PHF3: variants seen among roughly 807,000 people sequenced by gnomAD.
The protein encoded by PHF3 is PHD finger protein 3.
A neutral mutation model predicts 178.4 loss-of-function variants in PHF3; 41 were observed. The observed-to-expected ratio is 0.23, with a 90% CI of 0.18 to 0.30. The LOEUF is 0.30. Among genes scored for constraint, PHF3 ranks in the 10% least tolerant of loss-of-function variants. PHF3 has a pLI of 1.00. For synonymous variants in PHF3, 842 were observed against 800.5 expected (o/e 1.05, Z -0.88); for missense variants, 2,346 against 2,398.1 (o/e 0.98, Z 0.45).
chr6:63,715,610 CA>C lies in PHF3; in HGVS notation c.*1903del, dbSNP rs1768163841. On this transcript the variant is annotated 3_prime_UTR_variant, in exon 16 of 16. Transcript: ENST00000262043. ...ACCTCTTCGCTAATAGTTTTTTCTA[CA>C]TATCTAAAATTCTTTAATCAGTTCT... The C allele has an allele frequency of 6.6e-6, 1 of 152,060 alleles. No individual in the cohort carries two copies. The highest frequency in any genetic ancestry group is 2.1e-4 in the South Asian group (1 of 4,830). 9.4% of individuals were successfully genotyped at this position (152,060 alleles called of 1,614,324 possible).
At chr6:63,650,033 T>C (rs1259912203) in intron 2 of PHF3, among the ~76,000 whole-genome samples, 2 of 152,234 alleles carry the variant, frequency 1.3e-5, no homozygotes, top group Non-Finnish European at 2.9e-5. Context: ...GATTCATAAG[T>C]GTGGAACAAT....
intron 2 of PHF3, among the ~76,000 whole-genome samples, chr6:63,667,509 A>G (rs1347947309): frequency 6.6e-6 from 1 of 152,180 alleles, no homozygotes; most frequent in African/African-American, 2.4e-5. Flanking sequence ...GAACTTTATC[A>G]TGTATCTTCC....
intron 3 of PHF3, among the ~76,000 whole-genome samples, chr6:63,683,244 C>CT: frequency 6.6e-6 from 1 of 151,282 alleles, no homozygotes. Flanking sequence ...GGACATTTAC[C>CT]TTTTTAAAGA....
rs773588791 is a variant in PHF3, at chr6:63,712,329, A to G, written c.4741A>G (p.Lys1581Glu). 1 of 1,613,110 alleles carries G rather than the reference A, an allele frequency of 6.2e-7. No homozygotes were observed. The highest frequency in any genetic ancestry group is 1.1e-5 in the South Asian group (1 of 90,890). ...AFLTNLSIQS[K>E]QEETVESKEK... ...TTTAACAAATTTATCAATTCAGTCA[A>G]AACAAGAGGAAACTGTGGAGAGTAA... Residue 1581 changes from lysine (K) to glutamate (E), a missense_variant, in exon 16 of 16, where the codon AAA (lysine) becomes GAA (glutamate). Transcript: ENST00000262043.
At chr6:63,652,345 A>G (rs551814686) in intron 2 of PHF3, among the ~76,000 whole-genome samples, 1 of 152,242 alleles carries the variant, frequency 6.6e-6, no homozygotes, top group East Asian at 1.9e-4. Context: ...GTCTATTTTG[A>G]AAGATGTCTT....
chr6:63,660,227 A>G (rs374696574), intron 2 of PHF3, among the ~76,000 whole-genome samples: 60 of 152,070 alleles, frequency 3.9e-4, no homozygotes, highest in African/African-American at 1.4e-3. Context: ...GTTAATCTTG[A>G]ATACCAGAGA....
In PHF3 at chr6:63,722,189, A is replaced by G. The variant is rs1270230631; in HGVS notation, c.*8481A>G. Among the ~76,000 whole-genome samples the G allele has an allele frequency of 6.6e-6, 1 of 152,010 alleles. No individual in the cohort carries two copies. The highest frequency in any genetic ancestry group is 1.9e-4 in the East Asian group (1 of 5,188). On this transcript the variant is annotated 3_prime_UTR_variant, in exon 16 of 16. Coordinates refer to ENST00000262043, the MANE Select transcript of PHF3 (RefSeq NM_001370348.2). ...GCTCCTTTCCTGTCTCTCCAACCTT[A>G]CCTGGAATGTTCTCTTTCCCCATCC...
chr6:63,689,662 T>C (rs1766908676), intron 4 of PHF3, among the ~76,000 whole-genome samples: 1 of 152,198 alleles, frequency 6.6e-6, no homozygotes, highest in African/African-American at 2.4e-5. Context: ...CTCTCAAGTT[T>C]GAATGAGACA....
chr6:63,685,861 G>A lies in PHF3; in HGVS notation c.2139G>A (p.Met713Ile), dbSNP rs1766676943. The A allele has an allele frequency of 6.2e-7, 1 of 1,613,438 alleles. No individual in the cohort carries two copies. The highest frequency in any genetic ancestry group is 8.5e-7 in the Non-Finnish European group (1 of 1,180,006). ...GCTCCTCATTTGAAAGCAAATATAT[G>A]TGGACTCCCAGCAAGCAGTGTGGGT... is the stretch of plus-strand genomic sequence containing the variant. Reference protein sequence around the residue: ...DHSSSFESKYMWTPSKQCGFC... With the variant: ...DHSSSFESKYIWTPSKQCGFC... Residue 713 changes from methionine to isoleucine, a missense_variant, in exon 4 of 16, where the codon ATG (methionine) becomes ATA (isoleucine). Physicochemically the swap from Met to Ile is conservative, Grantham distance 10. Around this residue, in one of 8 missense-constraint regions of PHF3, gnomAD observed 72 missense variants for 110.5 expected, o/e 0.65. Coordinates refer to ENST00000262043, the MANE Select transcript of PHF3 (RefSeq NM_001370348.2).
chr6:63,638,037 T>TTA (rs1764421603), intron 1 of PHF3, among the ~76,000 whole-genome samples: 1 of 152,206 alleles, frequency 6.6e-6, no homozygotes, highest in Non-Finnish European at 1.5e-5. Flanking sequence ...TATACTTATA[T>TTA]GTTGCATAAT....
chr6:63,713,903 G>T lies in PHF3; in HGVS notation c.*195G>T. 1 of 424,822 alleles carries T rather than the reference G, an allele frequency of 2.4e-6. No homozygotes were observed. Among genetic ancestry groups the T allele is most frequent in the Admixed American group, 4.0e-5 (1 of 24,712 alleles). The allele number at this position is 424,822 out of a possible 1,614,324, so 26.3% of individuals were successfully genotyped here. A position where few individuals can be genotyped will look rare whatever the true frequency, so the allele number is the denominator to read the frequency against. ...TCATCATCCCTTCTTCATACCAACGGTCCCTAGTTATAGGAATTTAATATT... is the reference window on the plus strand; with the variant it reads ...TCATCATCCCTTCTTCATACCAACGTTCCCTAGTTATAGGAATTTAATATT... On this transcript the variant is annotated 3_prime_UTR_variant, in exon 16 of 16. Coordinates refer to ENST00000262043, the MANE Select transcript of PHF3 (RefSeq NM_001370348.2).
chr6:63,717,666 A>C lies in PHF3; in HGVS notation c.*3958A>C, dbSNP rs1278696105. Among the ~76,000 whole-genome samples the C allele has an allele frequency of 6.6e-6, 1 of 152,020 alleles. No homozygotes were observed. The highest frequency in any genetic ancestry group is 1.5e-5 in the Non-Finnish European group (1 of 67,938). ...AGTCATTGAGGGAAATAGCCTAAGC[A>C]CTCAAAGGGCAGTGAATCCAATATA... On this transcript the variant is annotated 3_prime_UTR_variant, in exon 16 of 16. Transcript: ENST00000262043.
At chr6:63,700,577 TTC>T in intron 9 of PHF3, 111 bp downstream of exon 9, 1 of 590,260 alleles carries the variant, frequency 1.7e-6, no homozygotes, top group Non-Finnish European at 3.1e-6. Flanking sequence ...AACACAGACT[TTC>T]TGTTACATGC....
intron 8 of PHF3, 132 bp downstream of exon 8, chr6:63,698,737 T>C: frequency 3.4e-6 from 2 of 580,556 alleles, no homozygotes; most frequent in East Asian, 3.1e-5. Flanking sequence ...GTAGAACATG[T>C]AATTTTAATA....
chr6:63,691,429 G>A (rs565907747), intron 4 of PHF3, among the ~76,000 whole-genome samples: 1 of 151,948 alleles, frequency 6.6e-6, no homozygotes, highest in East Asian at 1.9e-4. Flanking sequence ...CTTTGTTATT[G>A]TTTATAGTAT....
At position 63,685,999 on chromosome 6, in the gene PHF3, G is replaced by T. The variant is rs1035186056; in HGVS notation, c.2189+88G>T. 1.6e-5 allele frequency: 14 copies of T among 859,742 alleles called. No individual in the cohort carries two copies. The East Asian group carries it at 3.0e-4, about 19-fold the overall frequency. 53.3% of individuals were successfully genotyped at this position (859,742 alleles called of 1,614,324 possible). ...GGATTAATGTGAGAATTGTTTTAAA[G>T]ACATTATTTGATACACAGAGACCTG... On this transcript the variant is annotated intron_variant, in intron 4 of 15. Transcript: ENST00000262043.
intron 13 of PHF3, among the ~76,000 whole-genome samples, chr6:63,707,289 C>G (rs1332038459): frequency 1.3e-5 from 2 of 152,222 alleles, no homozygotes; most frequent in Non-Finnish European, 2.9e-5. Flanking sequence ...ATCTTCATGA[C>G]TACTGTTCTT....
chr6:63,724,690 T>A lies in PHF3; in HGVS notation c.*10982T>A, dbSNP rs1007436104. Among the ~76,000 whole-genome samples the A allele has an allele frequency of 6.6e-6, 1 of 152,168 alleles. No individual in the cohort carries two copies. The highest frequency in any genetic ancestry group is 1.5e-5 in the Non-Finnish European group (1 of 67,998). ...GAGATCTGAGATCATCTAGTATAAT[T>A]TTCAAGTTATCATTTTGTTTTAAAT... On this transcript the variant is annotated 3_prime_UTR_variant, in exon 16 of 16. Coordinates refer to ENST00000262043, the MANE Select transcript of PHF3 (RefSeq NM_001370348.2).
intron 8 of PHF3, among the ~76,000 whole-genome samples, chr6:63,700,120 A>G (rs1240980460): frequency 6.6e-6 from 1 of 151,872 alleles, no homozygotes; most frequent in Admixed American, 6.5e-5. Flanking sequence ...TAATGGTTCT[A>G]CTGTACATGC....
Sources: allele counts gnomAD v4.1 joint callset (sites outside exome capture counted in the v4.1 genomes callset), GRCh38; gene constraint gnomAD v4.1.1; regional missense constraint gnomAD v4.1.1; transcripts MANE v1.5; gene names NCBI Gene and HGNC (gene_info 2026-07-23, HGNC 2026-07-21).